KCNF1: variants seen among roughly 807,000 people sequenced by gnomAD.
KCNF1 encodes voltage-gated potassium channel regulatory subunit KCNF1.
In KCNF1, 9 loss-of-function variants were observed where a neutral mutation model predicts 28.6. The observed-to-expected ratio is 0.31, with a 90% confidence interval of 0.19 to 0.55. KCNF1 has a LOEUF of 0.55. Among genes scored for constraint, KCNF1 ranks in the 20% least tolerant of loss-of-function variants. KCNF1 has a pLI of 0.93. For missense variants in KCNF1, 461 were observed against 684.2 expected (o/e 0.67, Z 3.64); for synonymous variants, 328 against 299.6 (o/e 1.09, Z -0.98).
At position 10,912,556 on chromosome 2, in the gene KCNF1, T is replaced by C. The variant is rs757436594; in HGVS notation, c.130T>C (p.Tyr44His). 2 of 1,611,748 alleles carry C rather than the reference T, an allele frequency of 1.2e-6. No individual in the cohort carries two copies. The highest frequency in any genetic ancestry group is 1.1e-5 in the South Asian group (1 of 90,684). ...QVLYGDLLSQ[Y>H]PETRLAELIN... ...GCTGTACGGGGACCTCCTCAGTCAG[T>C]ACCCTGAGACCCGGCTGGCGGAGCT... The change falls in exon 1 of 1, where the codon TAC becomes CAC. Residue 44 changes from tyrosine (Y) to histidine (H), a missense_variant. Around this residue, in one of 4 missense-constraint regions of KCNF1, gnomAD observed 193 missense variants for 280.6 expected, o/e 0.69. Transcript: ENST00000295082. This position sits in a 1 kb window ranked among gnomAD's most constrained non-coding sequence, Gnocchi z 7.9.
chr2:10,913,062 C>T lies in KCNF1; in HGVS notation c.636C>T (p.Ala212=), dbSNP rs750317475. Residue 212 remains alanine (A), a synonymous_variant, in exon 1 of 1, where the codon GCC becomes GCT. Coordinates refer to ENST00000295082, the MANE Select transcript of KCNF1 (RefSeq NM_002236.5). This position sits in a 1 kb window ranked among gnomAD's most constrained non-coding sequence, Gnocchi z 5.5. ...GTIPELQVLD[A]EGNRVEHPTL... Reference sequence around the variant, plus strand: ...TCCCCGAGCTGCAGGTGCTGGACGCCGAGGGCAACCGCGTGGAGCACCCGA... The same window carrying T: ...TCCCCGAGCTGCAGGTGCTGGACGCTGAGGGCAACCGCGTGGAGCACCCGA... 7.5e-6 allele frequency: 12 copies of T among 1,605,304 alleles called. No homozygotes were observed. Among genetic ancestry groups the T allele is most frequent in the Non-Finnish European group, 1.0e-5 (12 of 1,179,992 alleles).
Position 10,913,041 on chromosome 2 carries a change from C to A in KCNF1, c.615C>A (p.Pro205=), listed in dbSNP as rs775683846. ...SSVVMCMGTI[P]ELQVLDAEGN... ...TGGTCATGTGCATGGGCACCATCCC[C>A]GAGCTGCAGGTGCTGGACGCCGAGG... The change falls in exon 1 of 1, where the codon CCC becomes CCA. Residue 205 remains proline, a synonymous_variant. Transcript: ENST00000295082. The surrounding 1 kb of genome is among the most constrained non-coding windows in gnomAD (Gnocchi z 5.5). 4 of 1,603,912 alleles carry A rather than the reference C, an allele frequency of 2.5e-6. No homozygotes were observed. The African/African-American group carries it at 5.3e-5, about 21-fold the overall frequency.
chr2:10,912,734 G>A lies in KCNF1; in HGVS notation c.308G>A (p.Gly103Asp). 1 of 1,614,158 alleles carries A rather than the reference G, an allele frequency of 6.2e-7. No individual in the cohort carries two copies. The highest frequency in any genetic ancestry group is 8.5e-7 in the Non-Finnish European group (1 of 1,180,046). Reference protein sequence around the residue: ...YYFGEVHMKKGICPICFKNEM... With the variant: ...YYFGEVHMKKDICPICFKNEM... ...TTCGGGGAGGTCCACATGAAGAAGG[G>A]CATCTGCCCCATCTGCTTCAAGAAC... Residue 103 changes from glycine to aspartate, a missense_variant, in exon 1 of 1, where the codon GGC becomes GAC. Physicochemically the swap from Gly to Asp is moderately conservative, Grantham distance 94. Transcript: ENST00000295082. This position sits in a 1 kb window ranked among gnomAD's most constrained non-coding sequence, Gnocchi z 7.9.
Position 10,913,851 on chromosome 2 carries a change from C to A in KCNF1, c.1425C>A (p.Thr475=). 6.5e-7 allele frequency: 1 copy of A among 1,540,772 alleles called. No homozygotes were observed. Among genetic ancestry groups the A allele is most frequent in the Non-Finnish European group, 8.7e-7 (1 of 1,145,402 alleles). Residue 475 remains threonine, a synonymous_variant, in exon 1 of 1, where the codon ACC becomes ACA. Transcript: ENST00000295082. This position sits in a 1 kb window ranked among gnomAD's most constrained non-coding sequence, Gnocchi z 5.5. ...SSRLKLSHSD[T]FIPLLTEEKH... is the part of the protein sequence containing the mutation. The stretch of plus-strand genomic sequence containing the variant: ...GGCTGAAGCTCTCCCACAGCGACAC[C>A]TTCATCCCCCTCCTGACCGAGGAGA...
Position 10,912,221 on chromosome 2 carries a change from C to G in KCNF1, c.-206C>G. The G allele has an allele frequency of 5.7e-6, 1 of 176,024 alleles. No individual in the cohort carries two copies. Among genetic ancestry groups the G allele is most frequent in the Non-Finnish European group, 1.1e-5 (1 of 90,250 alleles). The allele number at this position is 176,024 out of a possible 1,614,324, so 10.9% of individuals were successfully genotyped here. A position where few individuals can be genotyped will look rare whatever the true frequency, so the allele number is the denominator to read the frequency against. On this transcript the variant is annotated 5_prime_UTR_variant, in exon 1 of 1. Transcript: ENST00000295082. The surrounding 1 kb of genome is among the most constrained non-coding windows in gnomAD (Gnocchi z 7.9). ...CGCCCGGGCGCCCGGATGCCAGCCC[C>G]GAGCCCCGCCGCCGGGTGCATGCCT... is the stretch of plus-strand genomic sequence containing the variant.
Position 10,914,027 on chromosome 2 carries a change from C to A in KCNF1, c.*116C>A. On this transcript the variant is annotated 3_prime_UTR_variant, in exon 1 of 1. Coordinates refer to ENST00000295082, the MANE Select transcript of KCNF1 (RefSeq NM_002236.5). ...TGTGTCCCCCCAACCCTCCCCTGGACAGACTCTGAAGGCCCTCCCGGCACC... is the reference window on the plus strand; with the variant it reads ...TGTGTCCCCCCAACCCTCCCCTGGAAAGACTCTGAAGGCCCTCCCGGCACC... The A allele has an allele frequency of 8.0e-7, 1 of 1,249,530 alleles. No individual in the cohort carries two copies. Among genetic ancestry groups the A allele is most frequent in the Non-Finnish European group, 1.1e-6 (1 of 927,812 alleles). 77.4% of individuals were successfully genotyped at this position (1,249,530 alleles called of 1,614,324 possible). A position where few individuals can be genotyped will look rare whatever the true frequency, so the allele number is the denominator to read the frequency against.
Position 10,913,180 on chromosome 2 carries a change from C to T in KCNF1, c.754C>T (p.Leu252=), listed in dbSNP as rs34752664. 1,050 of 1,613,446 alleles carry T rather than the reference C, an allele frequency of 6.5e-4. 7 individuals are homozygous for T. The African/African-American group carries it at 0.011, about 17-fold the overall frequency. Residue 252 remains leucine (L), a synonymous_variant, in exon 1 of 1, where the codon CTG becomes TTG. Transcript: ENST00000295082. The surrounding 1 kb of genome is among the most constrained non-coding windows in gnomAD (Gnocchi z 5.5). ...FSSPNKLHFA[L]SFMNIVDVLA... ...GTCACCCAACAAGCTGCACTTCGCG[C>T]TGTCCTTCATGAACATTGTGGACGT...
In KCNF1 at chr2:10,913,128, C is replaced by A. The variant is rs778258235; in HGVS notation, c.702C>A (p.Thr234=). 6 of 1,612,236 alleles carry A rather than the reference C, an allele frequency of 3.7e-6. No homozygotes were observed. In the East Asian group the frequency reaches 1.1e-4, roughly 30 times the overall value. The part of the protein sequence containing the change: ...NVETACIGWF[T]LEYLLRLFSS... ...AGACGGCGTGCATTGGCTGGTTCAC[C>A]CTGGAGTACCTGCTGCGCCTCTTCT... The change falls in exon 1 of 1, where the codon ACC becomes ACA. Residue 234 remains threonine, a synonymous_variant. Coordinates refer to ENST00000295082, the MANE Select transcript of KCNF1 (RefSeq NM_002236.5). The surrounding 1 kb of genome is among the most constrained non-coding windows in gnomAD (Gnocchi z 5.5).
Position 10,912,547 on chromosome 2 carries a change from C to A in KCNF1, c.121C>A (p.Leu41Ile). ...GCGGCAGGTGCTGTACGGGGACCTC[C>A]TCAGTCAGTACCCTGAGACCCGGCT... ...GVRQVLYGDL[L>I]SQYPETRLAE... The change falls in exon 1 of 1, where the codon CTC (leucine) becomes ATC (isoleucine). Residue 41 changes from leucine (L) to isoleucine (I), a missense_variant. By Grantham distance (5) the Leu-to-Ile change is conservative. Transcript: ENST00000295082. The surrounding 1 kb of genome is among the most constrained non-coding windows in gnomAD (Gnocchi z 7.9). 3 of 1,611,230 alleles carry A rather than the reference C, an allele frequency of 1.9e-6. No homozygotes were observed. Among genetic ancestry groups the A allele is most frequent in the African/African-American group, 1.3e-5 (1 of 74,990 alleles).
rs1470644752 is a variant in KCNF1, at chr2:10,912,801, C to G, written c.375C>G (p.Asp125Glu). 5 of 1,614,030 alleles carry G rather than the reference C, an allele frequency of 3.1e-6. No homozygotes were observed. The South Asian group carries it at 5.5e-5, about 18-fold the overall frequency. Residue 125 changes from aspartate (D) to glutamate (E), a missense_variant, in exon 1 of 1, where the codon GAC becomes GAG. By Grantham distance (45) the Asp-to-Glu change is conservative (BLOSUM62 2). This residue lies in a region of KCNF1 where 193 missense variants were observed against 280.6 expected (regional missense o/e 0.69). Transcript: ENST00000295082. The surrounding 1 kb of genome is among the most constrained non-coding windows in gnomAD (Gnocchi z 7.9). ...AGGTGGACCTCAAGTTCCTGGACGA[C>G]TGTTGCAAGAGCCACCTGAGCGAGA... ...FWKVDLKFLD[D>E]CCKSHLSEKR... is the part of the protein sequence containing the mutation.
rs1214190206 is a variant in KCNF1, at chr2:10,912,592, T to C, written c.166T>C (p.Leu56=). The change falls in exon 1 of 1, where the codon TTG becomes CTG. Residue 56 remains leucine, a synonymous_variant. Transcript: ENST00000295082. The surrounding 1 kb of genome is among the most constrained non-coding windows in gnomAD (Gnocchi z 7.9). ...CCGGCTGGCGGAGCTCATCAACTGC[T>C]TGGCTGGGGGCTACGACACCATCTT... The part of the protein sequence containing the change: ...ETRLAELINC[L]AGGYDTIFSL... 2 of 1,612,368 alleles carry C rather than the reference T, an allele frequency of 1.2e-6. No homozygotes were observed. Among genetic ancestry groups the C allele is most frequent in the Non-Finnish European group, 1.7e-6 (2 of 1,179,396 alleles).
Position 10,913,469 on chromosome 2 carries a change from G to C in KCNF1, c.1043G>C (p.Ser348Thr). 1.2e-6 allele frequency: 2 copies of C among 1,614,178 alleles called. No individual in the cohort carries two copies. Residue 348 changes from serine to threonine, a missense_variant, in exon 1 of 1, where the codon AGC (serine) becomes ACC (threonine). Physicochemically the swap from Ser to Thr is moderately conservative, Grantham distance 58. Coordinates refer to ENST00000295082, the MANE Select transcript of KCNF1 (RefSeq NM_002236.5). The surrounding 1 kb of genome is among the most constrained non-coding windows in gnomAD (Gnocchi z 5.5). ...GCCCTGGGCTACACCATGGAGCAGA[G>C]CCATCCAGAGACCCTGTTTAAGAGC... ...FSALGYTMEQ[S>T]HPETLFKSIP...
chr2:10,914,209 G>A lies in KCNF1; in HGVS notation c.*298G>A, dbSNP rs1661591439. On this transcript the variant is annotated 3_prime_UTR_variant, in exon 1 of 1. Transcript: ENST00000295082. ...CCGCTTCTGTATCTCCCTCAATAAA[G>A]CCTCCTGCTCTGTGCACCCTCCGTG... 1 of 335,564 alleles carries A rather than the reference G, an allele frequency of 3.0e-6. No individual in the cohort carries two copies. Among genetic ancestry groups the A allele is most frequent in the South Asian group, 9.1e-5 (1 of 10,966 alleles). 20.8% of individuals were successfully genotyped at this position (335,564 alleles called of 1,614,324 possible). A position where few individuals can be genotyped will look rare whatever the true frequency, so the allele number is the denominator to read the frequency against.
chr2:10,912,734 G>GCATCTGCCC lies in KCNF1; in HGVS notation c.316_324dup (p.Pro106_Cys108dup). ...TTCGGGGAGGTCCACATGAAGAAGG[G>GCATCTGCCC]CATCTGCCCCATCTGCTTCAAGAAC... On this transcript the variant is annotated inframe_insertion, in exon 1 of 1. Coordinates refer to ENST00000295082, the MANE Select transcript of KCNF1 (RefSeq NM_002236.5). This position sits in a 1 kb window ranked among gnomAD's most constrained non-coding sequence, Gnocchi z 7.9. 6.2e-7 allele frequency: 1 copy of GCATCTGCCC among 1,614,158 alleles called. No individual in the cohort carries two copies. Among genetic ancestry groups the GCATCTGCCC allele is most frequent in the Non-Finnish European group, 8.5e-7 (1 of 1,180,046 alleles).
In KCNF1 at chr2:10,912,971, G is replaced by A. The variant is rs537683504; in HGVS notation, c.545G>A (p.Arg182Gln). ...AAGCCCGAGTCGTCGTGCCCGGCGC[G>A]GGTGGTGGCCGTGCTCTCCTTCCTG... ...LEKPESSCPA[R>Q]VVAVLSFLLI... The change falls in exon 1 of 1, where the codon CGG (arginine) becomes CAG (glutamine). Residue 182 changes from arginine (R) to glutamine (Q), a missense_variant. Transcript: ENST00000295082. This position sits in a 1 kb window ranked among gnomAD's most constrained non-coding sequence, Gnocchi z 7.9. 3 of 1,603,556 alleles carry A rather than the reference G, an allele frequency of 1.9e-6. No individual in the cohort carries two copies. Among genetic ancestry groups the A allele is most frequent in the East Asian group, 2.2e-5 (1 of 44,844 alleles).
At position 10,913,234 on chromosome 2, in the gene KCNF1, C is replaced by T. The variant is rs759245380; in HGVS notation, c.808C>T (p.Leu270Phe). 1 of 1,613,472 alleles carries T rather than the reference C, an allele frequency of 6.2e-7. No homozygotes were observed. Among genetic ancestry groups the T allele is most frequent in the African/African-American group, 1.3e-5 (1 of 75,072 alleles). The change falls in exon 1 of 1, where the codon CTC (leucine) becomes TTC (phenylalanine). Residue 270 changes from leucine to phenylalanine, a missense_variant. Physicochemically the swap from Leu to Phe is conservative, Grantham distance 22 (BLOSUM62 0). Coordinates refer to ENST00000295082, the MANE Select transcript of KCNF1 (RefSeq NM_002236.5). This position sits in a 1 kb window ranked among gnomAD's most constrained non-coding sequence, Gnocchi z 5.5. ...VLAILPFYVS[L>F]TLTHLGARMM... ...GGCCATCCTCCCCTTCTACGTGAGCCTCACGCTCACGCACCTGGGTGCCCG... is the reference window on the plus strand; with the variant it reads ...GGCCATCCTCCCCTTCTACGTGAGCTTCACGCTCACGCACCTGGGTGCCCG...
At position 10,912,136 on chromosome 2, in the gene KCNF1, C is replaced by A. The variant is rs1421551812; in HGVS notation, c.-291C>A. On this transcript the variant is annotated 5_prime_UTR_variant, in exon 1 of 1. Coordinates refer to ENST00000295082, the MANE Select transcript of KCNF1 (RefSeq NM_002236.5). This position sits in a 1 kb window ranked among gnomAD's most constrained non-coding sequence, Gnocchi z 7.9. The stretch of plus-strand genomic sequence containing the variant: ...CGAGCTGAAGCGGCGGAGCGCGCCG[C>A]CAGCCAGCCGGGGTGAGTGCCCCGG... The A allele has an allele frequency of 6.6e-6, 1 of 150,720 alleles. No homozygotes were observed. Among genetic ancestry groups the A allele is most frequent in the African/African-American group, 2.4e-5 (1 of 41,254 alleles). The allele number at this position is 150,720 out of a possible 1,614,324, so 9.3% of individuals were successfully genotyped here.
Position 10,912,676 on chromosome 2 carries a change from G to A in KCNF1, c.250G>A (p.Asp84Asn). ...CGAGTTCTACTTTGACAGGGACCCG[G>A]ACGCCTTCAAGTGTGTCATCGAGGT... ...KREFYFDRDP[D>N]AFKCVIEVYY... The change falls in exon 1 of 1, where the codon GAC becomes AAC. Residue 84 changes from aspartate (D) to asparagine (N), a missense_variant. This residue lies in a region of KCNF1 where 193 missense variants were observed against 280.6 expected (regional missense o/e 0.69). Coordinates refer to ENST00000295082, the MANE Select transcript of KCNF1 (RefSeq NM_002236.5). The surrounding 1 kb of genome is among the most constrained non-coding windows in gnomAD (Gnocchi z 7.9). 2 of 1,614,106 alleles carry A rather than the reference G, an allele frequency of 1.2e-6. No individual in the cohort carries two copies. Among genetic ancestry groups the A allele is most frequent in the Non-Finnish European group, 1.7e-6 (2 of 1,180,032 alleles).
In KCNF1 at chr2:10,914,045, C is replaced by T. The variant is rs564779846; in HGVS notation, c.*134C>T. 12 of 1,037,082 alleles carry T rather than the reference C, an allele frequency of 1.2e-5. No homozygotes were observed. The highest frequency in any genetic ancestry group is 4.5e-5 in the South Asian group (2 of 44,070). 64.2% of individuals were successfully genotyped at this position (1,037,082 alleles called of 1,614,324 possible). A position where few individuals can be genotyped will look rare whatever the true frequency, so the allele number is the denominator to read the frequency against. On this transcript the variant is annotated 3_prime_UTR_variant, in exon 1 of 1. Coordinates refer to ENST00000295082, the MANE Select transcript of KCNF1 (RefSeq NM_002236.5). ...CCCTGGACAGACTCTGAAGGCCCTCCCGGCACCTCTGCCAAGGCTGGGTAA... is the reference window on the plus strand; with the variant it reads ...CCCTGGACAGACTCTGAAGGCCCTCTCGGCACCTCTGCCAAGGCTGGGTAA...
Sources: allele counts gnomAD v4.1 joint callset, GRCh38; gene constraint gnomAD v4.1.1; regional missense constraint gnomAD v4.1.1; non-coding constraint Gnocchi (gnomAD v3.1); transcripts MANE v1.5; gene names NCBI Gene and HGNC (gene_info 2026-07-23, HGNC 2026-07-21).